Variants in NTRK3 observed in about 807,000 individuals in gnomAD.
NTRK3 encodes the protein NT-3 growth factor receptor.
Under a neutral mutation model 91.7 loss-of-function variants are expected in NTRK3, and 24 were observed. The ratio of observed to expected loss-of-function variants is 0.26; its 90% confidence interval spans 0.19 to 0.37. The LOEUF (loss-of-function observed/expected upper bound fraction) is 0.37, where lower values mean the gene tolerates loss of function less well. NTRK3 is among the 10% of genes least tolerant of loss of function. The pLI is 1.00. For synonymous variants in NTRK3, 483 were observed against 404.0 expected (o/e 1.20, Z -2.34); for missense variants, 880 against 1,068.9 (o/e 0.82, Z 2.46).
At chr15:87,874,778 G>A (rs1448014251) in exon 19 of NTRK3, 2 of 232,088 alleles carry the variant, frequency 8.6e-6, no homozygotes, top group East Asian at 1.2e-4. Flanking sequence ...AGAACTCACA[G>A]CCCCGGCATA....
intron 6 of NTRK3, among the ~76,000 whole-genome samples, chr15:88,146,828 C>A (rs1467340939): frequency 6.6e-6 from 1 of 152,152 alleles, no homozygotes; most frequent in African/African-American, 2.4e-5. Context: ...GGTGTGGGTT[C>A]AAGTCCCAGC....
chr15:88,230,926 G>T (rs532824648), intron 3 of NTRK3, among the ~76,000 whole-genome samples: 1 of 152,204 alleles, frequency 6.6e-6, no homozygotes, highest in Non-Finnish European at 1.5e-5. Context: ...GAGAAAACTG[G>T]CTGGTAGCCA....
intron 17 of NTRK3, among the ~76,000 whole-genome samples, chr15:87,892,673 A>G (rs1376889794): frequency 2.6e-5 from 4 of 152,216 alleles, no homozygotes; most frequent in African/African-American, 9.6e-5. Context: ...GATAACTCAA[A>G]CCAAAAACAC....
intron 5 of NTRK3, among the ~76,000 whole-genome samples, chr15:88,170,429 T>G (rs1381672074): frequency 6.6e-6 from 1 of 152,162 alleles, no homozygotes; most frequent in African/African-American, 2.4e-5. Context: ...TTTGGTGAGG[T>G]TCCCTCACTA....
At chr15:88,184,493 G>C (rs543945776) in intron 3 of NTRK3, among the ~76,000 whole-genome samples, 194 bp from the exon 4 acceptor site, 20 of 152,210 alleles carry the variant, frequency 1.3e-4, no homozygotes, top group Non-Finnish European at 2.6e-4. Context: ...TGATTGGGTT[G>C]TTGCAAGAAT....
At chr15:87,980,517 ATGTG>A (rs756572239) in intron 14 of NTRK3, among the ~76,000 whole-genome samples, 1 of 152,058 alleles carries the variant, frequency 6.6e-6, no homozygotes, top group Non-Finnish European at 1.5e-5. Context: ...GTGCGAATAT[ATGTG>A]TGTGTACACA....
At chr15:88,153,338 G>T (rs1174838691) in intron 5 of NTRK3, among the ~76,000 whole-genome samples, 1 of 152,118 alleles carries the variant, frequency 6.6e-6, no homozygotes, top group South Asian at 2.1e-4. Context: ...CGCCTCCCGG[G>T]TTGAAGCGAT....
At chr15:88,189,217 T>C (rs2047188126) in intron 3 of NTRK3, among the ~76,000 whole-genome samples, 1 of 152,148 alleles carries the variant, frequency 6.6e-6, no homozygotes, top group Admixed American at 6.5e-5. Context: ...AGAGTCTCTT[T>C]GGCAATTCTA....
chr15:87,929,355 G>C (rs747160751), exon 17 of NTRK3: 1 of 1,614,054 alleles, frequency 6.2e-7, no homozygotes, highest in East Asian at 2.2e-5. Context: ...GCAATGTGGA[G>C]CATTTGGGAG....
At chr15:88,061,899 T>C (rs2046252862) in intron 13 of NTRK3, among the ~76,000 whole-genome samples, 1 of 152,084 alleles carries the variant, frequency 6.6e-6, no homozygotes, top group Non-Finnish European at 1.5e-5. Flanking sequence ...CCCTTATCCA[T>C]CAAACGGGGG....
In NTRK3 at chr15:87,912,931, A is replaced by AAAATATATATATAT. The variant is rs1484111389; in HGVS notation, c.2133+16259_2133+16260insATATATATATATTT. Among the ~76,000 whole-genome samples the AAAATATATATATAT allele has an allele frequency of 9.1e-4, 33 of 36,442 alleles. 1 individual carries two copies. Among genetic ancestry groups the AAAATATATATATAT allele is most frequent in the Non-Finnish European group, 1.2e-3 (26 of 21,292 alleles). 23.9% of individuals were successfully genotyped at this position (36,442 alleles called of 152,430 possible). Reference sequence around the variant, plus strand: ...TTCAACTTTTCAAAAAGTAAAAAAAAATATATATATATATATATATATATA... The same window carrying AAAATATATATATAT: ...TTCAACTTTTCAAAAAGTAAAAAAAAAAATATATATATATATATATATATATATATATATATATA... On this transcript the variant is annotated intron_variant, in intron 17 of 18. Transcript: ENST00000394480.
chr15:87,931,378 C>T (rs1034132286), intron 16 of NTRK3: 1 of 351,342 alleles, frequency 2.8e-6, no homozygotes, highest in South Asian at 2.2e-5. Context: ...ACAATTCTCA[C>T]AAAATAGTAA....
chr15:88,135,437 T>A, intron 9 of NTRK3, 40 bp from the exon 10 acceptor site: 1 of 1,603,288 alleles, frequency 6.2e-7, no homozygotes, highest in East Asian at 2.2e-5. Context: ...GGACACAGAG[T>A]CTACCACCTC....
At position 88,155,586 on chromosome 15, in the gene NTRK3, A is replaced by G. The variant is rs528729646; in HGVS notation, c.396-8183T>C. 2.0e-5 allele frequency among the ~76,000 whole-genome samples: 3 copies of G among 152,358 alleles called. No homozygotes were observed. In the East Asian group the frequency reaches 5.8e-4, roughly 29 times the overall value. ...ACAAAAGCAGAGGTGAGCAATTGCA[A>G]CAGAGACCAAAATATTTACTATGTG... is the stretch of plus-strand genomic sequence containing the variant. On this transcript the variant is annotated intron_variant, in intron 5 of 18. Transcript: ENST00000394480.
chr15:88,170,913 G>A (rs879668271), intron 5 of NTRK3, among the ~76,000 whole-genome samples: 1 of 152,158 alleles, frequency 6.6e-6, no homozygotes, highest in Non-Finnish European at 1.5e-5. Context: ...GAGACAGACA[G>A]GTAGCCCTCA....
intron 17 of NTRK3, among the ~76,000 whole-genome samples, chr15:87,884,944 A>G (rs994798910): frequency 1.1e-4 from 16 of 151,930 alleles, no homozygotes; most frequent in African/African-American, 3.9e-4. Context: ...TAAAGCAAGA[A>G]TTTTTTAAAT....
At chr15:88,094,338 G>A (rs1288791570) in intron 13 of NTRK3, among the ~76,000 whole-genome samples, 1 of 151,626 alleles carries the variant, frequency 6.6e-6, no homozygotes, top group East Asian at 1.9e-4. Flanking sequence ...GCGCGGTGGC[G>A]GGCGCCTGTA....
intron 5 of NTRK3, among the ~76,000 whole-genome samples, chr15:88,161,024 C>T (rs2044403288): frequency 1.3e-5 from 2 of 152,156 alleles, no homozygotes; most frequent in Non-Finnish European, 2.9e-5. Context: ...TAAATTAATG[C>T]ATGTCAAATG....
rs962345588 is a variant in NTRK3, at chr15:87,873,529, C to T, written c.*3406G>A. The stretch of plus-strand genomic sequence containing the variant: ...AGAGACCAGCCTGGGTGCCCTGGAG[C>T]GTTCATCAAAAGACACAAAAGAGCT... On this transcript the variant is annotated 3_prime_UTR_variant, in exon 19 of 19. Transcript: ENST00000394480. The T allele has an allele frequency of 5.2e-5, 12 of 231,386 alleles. 1 individual carries two copies. Among genetic ancestry groups the T allele is most frequent in the East Asian group, 1.8e-4 (3 of 16,336 alleles). The allele number at this position is 231,386 out of a possible 1,614,324, so 14.3% of individuals were successfully genotyped here.
Sources: allele counts gnomAD v4.1 joint callset (sites outside exome capture counted in the v4.1 genomes callset), GRCh38; gene constraint gnomAD v4.1.1; transcripts MANE v1.5; gene names NCBI Gene and HGNC (gene_info 2026-07-23, HGNC 2026-07-21).